Variants in LRRC38 observed in about 807,000 individuals in gnomAD.
LRRC38 encodes leucine-rich repeat-containing protein 38.
Under a neutral mutation model 16.4 loss-of-function variants are expected in LRRC38, and 5 were observed. The ratio of observed to expected loss-of-function variants is 0.31; its 90% confidence interval spans 0.16 to 0.64. The LOEUF (loss-of-function observed/expected upper bound fraction) is 0.64, where lower values mean the gene tolerates loss of function less well. Ranked by LOEUF, LRRC38 falls within the 30% of genes least tolerant of loss-of-function variation. The probability of loss-of-function intolerance (pLI) is 0.80; values close to 1 mark genes in which losing one functional copy is unlikely to be tolerated. For missense variants in LRRC38, 341 were observed against 401.8 expected, an observed-to-expected ratio of 0.85 and a Z score of 1.29; for synonymous variants, 191 against 190.2, an observed-to-expected ratio of 1.00 and a Z score of -0.04.
At chr1:13,510,600 G>A (rs1394064927) in intron 1 of LRRC38, among the ~76,000 whole-genome samples, 1 of 150,136 alleles carries the variant, frequency 6.7e-6, no homozygotes, top group African/African-American at 2.5e-5. Context: ...GCAGCTTGGT[G>A]CCAGTCTGGG....
In LRRC38 at chr1:13,513,629, A is replaced by G. The variant is rs2100532808; in HGVS notation, c.-36T>C. ...CCCGCGCCGGCCGCGGCGAGAAGGAAGCGGCTCTCGGAGCGAGCCCTGGCG... is the reference window on the plus strand; with the variant it reads ...CCCGCGCCGGCCGCGGCGAGAAGGAGGCGGCTCTCGGAGCGAGCCCTGGCG... On this transcript the variant is annotated 5_prime_UTR_variant, in exon 1 of 2. Coordinates refer to ENST00000376085, the MANE Select transcript of LRRC38 (RefSeq NM_001010847.2). The G allele has an allele frequency of 9.5e-7, 1 of 1,049,848 alleles. No individual in the cohort carries two copies. The highest frequency in any genetic ancestry group is 1.1e-6 in the Non-Finnish European group (1 of 873,658). 65.0% of individuals were successfully genotyped at this position (1,049,848 alleles called of 1,614,324 possible).
At position 13,475,635 on chromosome 1, in the gene LRRC38, C is replaced by T. The variant is rs1050600770; in HGVS notation, c.*211G>A. The T allele has an allele frequency of 2.8e-5, 17 of 596,586 alleles. No homozygotes were observed. Among genetic ancestry groups the T allele is most frequent in the Non-Finnish European group, 4.6e-5 (16 of 348,382 alleles). 37.0% of individuals were successfully genotyped at this position (596,586 alleles called of 1,614,324 possible). ...CAGGTTATGCTCCAGGAATAATTCC[C>T]TCCATCCTTCCTGGGCTTCTGTGCT... On this transcript the variant is annotated 3_prime_UTR_variant, in exon 2 of 2. Coordinates refer to ENST00000376085, the MANE Select transcript of LRRC38 (RefSeq NM_001010847.2). The surrounding 1 kb of genome is among the most constrained non-coding windows in gnomAD (Gnocchi z 4.3).
chr1:13,506,603 G>A (rs537084932), intron 1 of LRRC38, among the ~76,000 whole-genome samples: 1 of 152,264 alleles, frequency 6.6e-6, no homozygotes, highest in East Asian at 1.9e-4. Flanking sequence ...GATTACAGGT[G>A]CACGCCACCG....
At position 13,504,149 on chromosome 1, in the gene LRRC38, C is replaced by T. The variant is rs74723824; in HGVS notation, c.631+8814G>A. On this transcript the variant is annotated intron_variant, in intron 1 of 1. Coordinates refer to ENST00000376085, the MANE Select transcript of LRRC38 (RefSeq NM_001010847.2). Reference sequence around the variant, plus strand: ...AGACAAAATAATAACAGCTTCTATACGTGGTGATGGAGGAAATTGCTCAAA... The same window carrying T: ...AGACAAAATAATAACAGCTTCTATATGTGGTGATGGAGGAAATTGCTCAAA... Among the ~76,000 whole-genome samples the T allele has an allele frequency of 6.3e-3, 954 of 152,306 alleles. 47 individuals are homozygous for T. The East Asian group carries it at 0.13, about 20-fold the overall frequency.
intron 1 of LRRC38, among the ~76,000 whole-genome samples, chr1:13,506,628 T>C (rs999557747): frequency 6.6e-6 from 1 of 152,100 alleles, no homozygotes; most frequent in Admixed American, 6.5e-5. Flanking sequence ...CAGCTAGTTT[T>C]TAGTATTTTT....
intron 1 of LRRC38, among the ~76,000 whole-genome samples, chr1:13,477,183 G>A (rs923092609): frequency 2.6e-5 from 4 of 152,162 alleles, no homozygotes; most frequent in African/African-American, 9.7e-5. Context: ...GCCAACAACC[G>A]GGTTGGTGAT....
rs186860145 is a variant in LRRC38, at chr1:13,507,823, C to T, written c.631+5140G>A. The stretch of plus-strand genomic sequence containing the variant: ...CTCCAGCCTGGGTGACAGACCAAAA[C>T]TCCATCTCAAAACAAACAAACAAAC... On this transcript the variant is annotated intron_variant, in intron 1 of 1. Transcript: ENST00000376085. 4.9e-4 allele frequency among the ~76,000 whole-genome samples: 74 copies of T among 151,982 alleles called. No homozygotes were observed. In the South Asian group the frequency reaches 6.2e-3, roughly 13 times the overall value.
At chr1:13,504,248 G>A (rs946597671) in intron 1 of LRRC38, among the ~76,000 whole-genome samples, 1 of 152,144 alleles carries the variant, frequency 6.6e-6, no homozygotes, top group African/African-American at 2.4e-5. Flanking sequence ...GGACACTGAG[G>A]ACCAGGAACA....
At chr1:13,511,113 C>T (rs1489835822) in intron 1 of LRRC38, among the ~76,000 whole-genome samples, 2 of 152,162 alleles carry the variant, frequency 1.3e-5, no homozygotes, top group African/African-American at 2.4e-5. Flanking sequence ...ACCTGTCCAT[C>T]CTTCCTCCCG....
At chr1:13,508,326 G>A (rs1175607607) in intron 1 of LRRC38, among the ~76,000 whole-genome samples, 1 of 152,136 alleles carries the variant, frequency 6.6e-6, no homozygotes, top group African/African-American at 2.4e-5. Context: ...CATGTGTAAG[G>A]ATATTCGGCT....
intron 1 of LRRC38, among the ~76,000 whole-genome samples, chr1:13,481,658 G>A (rs1638859928): frequency 6.6e-6 from 1 of 152,086 alleles, no homozygotes; most frequent in South Asian, 2.1e-4. Context: ...GCCTCCCAAA[G>A]TACTGGGATT....
intron 1 of LRRC38, among the ~76,000 whole-genome samples, chr1:13,495,407 G>T (rs1639069809): frequency 6.6e-6 from 1 of 152,064 alleles, no homozygotes; most frequent in African/African-American, 2.4e-5. Flanking sequence ...CGTGCAAGAG[G>T]CTGGGAGCTT....
chr1:13,513,478 G>A lies in LRRC38; in HGVS notation c.116C>T (p.Thr39Ile). The stretch of plus-strand genomic sequence containing the variant: ...CAGCCCGCGGTCGCGGCAGTCCACG[G>A]TGTGCGGGTCGGTGCAGGCGCAGCC... ...PAGCACTDPH[T>I]VDCRDRGLPS... The change falls in exon 1 of 2, where the codon ACC (threonine) becomes ATC (isoleucine). Residue 39 changes from threonine (T) to isoleucine (I), a missense_variant. Coordinates refer to ENST00000376085, the MANE Select transcript of LRRC38 (RefSeq NM_001010847.2). 6.5e-7 allele frequency: 1 copy of A among 1,543,040 alleles called. No individual in the cohort carries two copies. Among genetic ancestry groups the A allele is most frequent in the East Asian group, 2.5e-5 (1 of 40,730 alleles).
Position 13,513,552 on chromosome 1 carries a change from C to A in LRRC38, c.42G>T (p.Gly14=), listed in dbSNP as rs1639302740. 2 of 1,243,488 alleles carry A rather than the reference C, an allele frequency of 1.6e-6. 1 individual carries two copies. The highest frequency in any genetic ancestry group is 3.1e-5 in the African/African-American group (2 of 63,644). 77.0% of individuals were successfully genotyped at this position (1,243,488 alleles called of 1,614,324 possible). ...RAPACAAAAL[G]LCSLLLLLAP... ...CGAGCAGCAGCAGAAGGCTGCAGAG[C>A]CCGAGCGCCGCGGCGGCGCAGGCTG... Residue 14 remains glycine (G), a synonymous_variant, in exon 1 of 2, where the codon GGG becomes GGT. Transcript: ENST00000376085.
chr1:13,509,772 T>G (rs1299220992), intron 1 of LRRC38, among the ~76,000 whole-genome samples: 2 of 152,178 alleles, frequency 1.3e-5, no homozygotes, highest in Non-Finnish European at 2.9e-5. Flanking sequence ...ACCTACACTC[T>G]TTGTTTATAA....
At chr1:13,483,925 G>T (rs1314027502) in intron 1 of LRRC38, among the ~76,000 whole-genome samples, 5 of 151,080 alleles carry the variant, frequency 3.3e-5, no homozygotes, top group Admixed American at 3.3e-4. Context: ...AGAGAGGAGA[G>T]GAGTGGGGAG....
In LRRC38 at chr1:13,512,960, C is replaced by T; in HGVS notation, c.631+3G>A. 1 of 1,467,964 alleles carries T rather than the reference C, an allele frequency of 6.8e-7. No homozygotes were observed. Among genetic ancestry groups the T allele is most frequent in the East Asian group, 2.9e-5 (1 of 35,016 alleles). The allele number at this position is 1,467,964 out of a possible 1,614,324, so 90.9% of individuals were successfully genotyped here. A position where few individuals can be genotyped will look rare whatever the true frequency, so the allele number is the denominator to read the frequency against. ...CTCCCCCAGCCTAGCCGGCTCGGCT[C>T]ACCTTTGGGCAGTTTGGATGCGTTC... On this transcript the variant is annotated splice_donor_region_variant and intron_variant, in intron 1 of 1. Transcript: ENST00000376085.
chr1:13,480,432 G>A (rs61781238), intron 1 of LRRC38, among the ~76,000 whole-genome samples: 14,559 of 152,226 alleles, frequency 0.096, 866 homozygotes, highest in East Asian at 0.23. Flanking sequence ...CACTGCTTTA[G>A]AGTGAAATGC....
chr1:13,513,230 C>T lies in LRRC38; in HGVS notation c.364G>A (p.Gly122Ser). The T allele has an allele frequency of 1.9e-6, 3 of 1,550,384 alleles. No individual in the cohort carries two copies. Among genetic ancestry groups the T allele is most frequent in the Non-Finnish European group, 1.7e-6 (2 of 1,146,936 alleles). Residue 122 changes from glycine to serine, a missense_variant, in exon 1 of 2, where the codon GGC (glycine) becomes AGC (serine). Coordinates refer to ENST00000376085, the MANE Select transcript of LRRC38 (RefSeq NM_001010847.2). ...AGCCTCCCGGCCGAGCGGAAGGCGC[C>T]GGCGCCCAGCTGGGTCAAGTTGTTG... ...SYNNLTQLGA[G>S]AFRSAGRLVK...
Sources: gnomAD v4.1 joint callset for allele counts (sites outside exome capture counted in the v4.1 genomes callset) on GRCh38, gnomAD v4.1.1 for gene constraint, Gnocchi (gnomAD v3.1) non-coding constraint, MANE v1.5 for transcripts, NCBI Gene and HGNC (gene_info 2026-07-23, HGNC 2026-07-21) for gene names.